The following FLCN variants were observed in gnomAD, a reference collection of about 807,000 sequenced individuals.
FLCN encodes the protein folliculin, also known as BHD skin lesion fibrofolliculoma protein.
In FLCN, 22 loss-of-function variants were observed where a neutral mutation model predicts 62.5. The ratio of observed to expected loss-of-function variants is 0.35; its 90% CI spans 0.25 to 0.50. The LOEUF (loss-of-function observed/expected upper bound fraction) is 0.50. Among genes scored for constraint, FLCN ranks in the 20% least tolerant of loss-of-function variants. The pLI is 0.97. For synonymous variants in FLCN, 319 were observed against 310.0 expected, an observed-to-expected ratio of 1.03 and a Z score of -0.30; for missense variants, 657 against 778.0, an observed-to-expected ratio of 0.84 and a Z score of 1.85.
intron 3 of FLCN, among the ~76,000 whole-genome samples, chr17:17,229,704 G>A (rs900642635): frequency 6.6e-6 from 1 of 152,234 alleles, no homozygotes; most frequent in Non-Finnish European, 1.5e-5. Context: ...AGGGGGAGTG[G>A]TAACCTGCAG....
chr17:17,228,295 C>T, intron 3 of FLCN, 134 bp from the exon 4 acceptor site: 1 of 1,088,434 alleles, frequency 9.2e-7, no homozygotes, highest in Non-Finnish European at 1.3e-6. Flanking sequence ...GCCAGTTCCC[C>T]AGCCCCCTGC....
At chr17:17,214,578 G>C (rs989752253) in intron 13 of FLCN, among the ~76,000 whole-genome samples, 2 of 151,912 alleles carry the variant, frequency 1.3e-5, no homozygotes, top group African/African-American at 2.4e-5. Context: ...TGGGCAACAA[G>C]AGCCAAACTC....
rs761660597 is a variant in FLCN at position 17,216,347 on chromosome 17, G to C, written c.1300+33C>G. The C allele has an allele frequency of 6.2e-7, 1 of 1,612,344 alleles. No homozygotes were observed. Among genetic ancestry groups the C allele is most frequent in the East Asian group, 2.2e-5 (1 of 44,856 alleles). ...CTGAGGCGTGGGGAACCTCAGCGCA[G>C]GGCATGGCCCCACAGCCCGCGGGGG... On this transcript the variant is annotated intron_variant, in intron 11 of 13. Coordinates refer to ENST00000285071, the MANE Select transcript of FLCN (RefSeq NM_144997.7). This position sits in a 1 kb window ranked among gnomAD's most constrained non-coding sequence, Gnocchi z 4.0.
In FLCN at chr17:17,222,516, T is replaced by G. The variant is rs879255665; in HGVS notation, c.764A>C (p.His255Pro). The G allele has an allele frequency of 1.9e-6, 3 of 1,614,078 alleles. No individual in the cohort carries two copies. The highest frequency in any genetic ancestry group is 1.7e-6 in the Non-Finnish European group (2 of 1,180,040). ...CGCCCGTTACCAGGCAAAGGAGGTG[T>G]GCAGGCACGCCCACAGGTTGTCATC... ...TSDDNLWACL[H>P]TSFAWLLKAC... The change falls in exon 7 of 14, where the codon CAC becomes CCC. Residue 255 changes from histidine to proline, a missense_variant. His to Pro is a moderately conservative substitution (Grantham distance 77). Transcript: ENST00000285071.
At chr17:17,233,421 C>G (rs1432364164) in intron 1 of FLCN, among the ~76,000 whole-genome samples, 1 of 151,782 alleles carries the variant, frequency 6.6e-6, no homozygotes, top group African/African-American at 2.4e-5. Context: ...CATGGTGAAA[C>G]CCCATCTCTA....
Position 17,217,144 on chromosome 17 carries a change from G to T in FLCN, c.1101C>A (p.His367Gln). ...AGATCACCTGGTTCCCCATGAGAAC[G>T]TGCCAGGCCAGCATGCGGAAAGAAG... Reference protein sequence around the residue: ...GAPSFRMLAWHVLMGNQVIWK... With the variant: ...GAPSFRMLAWQVLMGNQVIWK... Residue 367 changes from histidine (H) to glutamine (Q), a missense_variant, in exon 10 of 14, where the codon CAC becomes CAA. His to Gln is a conservative substitution (Grantham distance 24, BLOSUM62 0). Transcript: ENST00000285071. 1 of 1,614,074 alleles carries T rather than the reference G, an allele frequency of 6.2e-7. No homozygotes were observed. Among genetic ancestry groups the T allele is most frequent in the Non-Finnish European group, 8.5e-7 (1 of 1,180,010 alleles).
intron 8 of FLCN, 133 bp downstream of exon 8, chr17:17,221,404 T>TC (rs746472948): frequency 6.2e-7 from 1 of 1,613,340 alleles, no homozygotes; most frequent in African/African-American, 1.3e-5. Flanking sequence ...AGGGTGAGCT[T>TC]CCCGAAGGCT....
rs117991122 is a variant in FLCN at position 17,231,132 on chromosome 17, G to A, written c.-25+662C>T. 2.2e-3 allele frequency among the ~76,000 whole-genome samples: 339 copies of A among 152,184 alleles called. 11 individuals carry two copies. In the East Asian group the frequency reaches 0.05, roughly 22 times the overall value. The stretch of plus-strand genomic sequence containing the variant: ...GGAGAATTGCTTGAACCTAGGAGGC[G>A]AAGGTTGCAGTGAGCCAAGACTGCG... On this transcript the variant is annotated intron_variant, in intron 3 of 13. Coordinates refer to ENST00000285071, the MANE Select transcript of FLCN (RefSeq NM_144997.7).
intron 1 of FLCN, among the ~76,000 whole-genome samples, chr17:17,236,492 C>CA (rs2145149402): frequency 6.6e-6 from 1 of 152,328 alleles, no homozygotes; most frequent in Non-Finnish European, 1.5e-5. Context: ...CTTCAATCCA[C>CA]AAGCCAATCC....
rs192246578 is a variant in FLCN, at chr17:17,221,758, G to A, written c.780-130C>T. 5.0e-5 allele frequency: 47 copies of A among 946,918 alleles called. No homozygotes were observed. The East Asian group carries it at 1.2e-3, about 25-fold the overall frequency. 58.7% of individuals were successfully genotyped at this position (946,918 alleles called of 1,614,324 possible). ...AAAGAACACCAGCAGGGCACAACCA[G>A]CCAGATCCCGCATGCAGGCAGTTCC... is the stretch of plus-strand genomic sequence containing the variant. On this transcript the variant is annotated intron_variant, in intron 7 of 13. Coordinates refer to ENST00000285071, the MANE Select transcript of FLCN (RefSeq NM_144997.7).
In FLCN at chr17:17,216,369, G is replaced by A; in HGVS notation, c.1300+11C>T. 1 of 1,613,202 alleles carries A rather than the reference G, an allele frequency of 6.2e-7. No homozygotes were observed. Among genetic ancestry groups the A allele is most frequent in the South Asian group, 1.1e-5 (1 of 91,034 alleles). ...GCAGGGCATGGCCCCACAGCCCGCG[G>A]GGGCACGCACCTGAGGAGAGCACGT... On this transcript the variant is annotated intron_variant, in intron 11 of 13. Transcript: ENST00000285071. This position sits in a 1 kb window ranked among gnomAD's most constrained non-coding sequence, Gnocchi z 4.0.
chr17:17,222,779 C>G (rs1597602959), intron 6 of FLCN, 118 bp from the exon 7 acceptor site: 1 of 1,204,222 alleles, frequency 8.3e-7, no homozygotes, highest in East Asian at 2.5e-5. Flanking sequence ...CCACTATACT[C>G]TCTCCATGCA....
In FLCN at chr17:17,221,097, T is replaced by C. The variant is rs2047070859; in HGVS notation, c.871+440A>G. 2.3e-6 allele frequency: 3 copies of C among 1,287,748 alleles called. No homozygotes were observed. The African/African-American group carries it at 4.5e-5, about 19-fold the overall frequency. The allele number at this position is 1,287,748 out of a possible 1,614,324, so 79.8% of individuals were successfully genotyped here. ...CAAACACAGGGCCCCAAGCCCCAGATCAGGAACCTGGGGAAGCCCAGGCAC... is the reference window on the plus strand; with the variant it reads ...CAAACACAGGGCCCCAAGCCCCAGACCAGGAACCTGGGGAAGCCCAGGCAC... On this transcript the variant is annotated intron_variant, in intron 8 of 13. Coordinates refer to ENST00000285071, the MANE Select transcript of FLCN (RefSeq NM_144997.7).
chr17:17,219,766 GT>G (rs1178115587), intron 8 of FLCN: 1 of 157,254 alleles, frequency 6.4e-6, no homozygotes, highest in African/African-American at 2.4e-5. Flanking sequence ...TAGAGACGGG[GT>G]TTCACCGTTA....
intron 13 of FLCN, 21 bp from the exon 14 acceptor site, chr17:17,213,877 ACACT>A: frequency 6.2e-7 from 1 of 1,612,862 alleles, no homozygotes; most frequent in Non-Finnish European, 8.5e-7. Context: ...CCAAAACAAA[ACACT>A]CAGACACCAC....
At chr17:17,235,066 C>T (rs2047541302) in intron 1 of FLCN, among the ~76,000 whole-genome samples, 1 of 146,784 alleles carries the variant, frequency 6.8e-6, no homozygotes, top group Admixed American at 7.0e-5. Flanking sequence ...GAGCTGATCG[C>T]ACCACTGCAC....
chr17:17,235,461 G>A (rs1327743961), intron 1 of FLCN: 1 of 152,128 alleles, frequency 6.6e-6, no homozygotes, highest in Non-Finnish European at 1.5e-5. Context: ...AAAAAAGAAA[G>A]AAAGAAAGAA....
Position 17,222,667 on chromosome 17 carries a change from A to G in FLCN, c.619-6T>C. 1 of 1,614,126 alleles carries G rather than the reference A, an allele frequency of 6.2e-7. No homozygotes were observed. Among genetic ancestry groups the G allele is most frequent in the African/African-American group, 1.3e-5 (1 of 75,050 alleles). On this transcript the variant is annotated splice_region_variant and splice_polypyrimidine_tract_variant and intron_variant, in intron 6 of 13. Transcript: ENST00000285071. ...AACTGCTCTGCCTCAAACACCTGAA[A>G]TGCAAAGGGAAGGGATGGCCTCTTT...
chr17:17,224,693 G>A (rs1218148308), intron 5 of FLCN: 5 of 167,238 alleles, frequency 3.0e-5, no homozygotes, highest in African/African-American at 7.2e-5. Context: ...GTGCCACCAC[G>A]CCTGGCTAAT....
Sources: gnomAD v4.1 joint callset for allele counts (sites outside exome capture counted in the v4.1 genomes callset) on GRCh38, gnomAD v4.1.1 for gene constraint, Gnocchi (gnomAD v3.1) non-coding constraint, MANE v1.5 for transcripts, NCBI Gene and HGNC (gene_info 2026-07-23, HGNC 2026-07-21) for gene names.